NTRK2: variants seen among roughly 807,000 people sequenced by gnomAD.
NTRK2 encodes the protein BDNF/NT-3 growth factors receptor.
In NTRK2, 13 loss-of-function variants were observed where a neutral mutation model predicts 94.5. The ratio of observed to expected loss-of-function variants is 0.14; its 90% CI spans 0.09 to 0.22. The LOEUF (loss-of-function observed/expected upper bound fraction) is 0.22. Among genes scored for constraint, NTRK2 ranks in the 10% least tolerant of loss-of-function variants. The probability of loss-of-function intolerance (pLI) is 1.00; values close to 1 mark genes in which losing one functional copy is unlikely to be tolerated. For missense variants in NTRK2, 639 were observed against 1,071.2 expected, an observed-to-expected ratio of 0.60 and a Z score of 5.63; for synonymous variants, 372 against 407.4, an observed-to-expected ratio of 0.91 and a Z score of 1.05.
intron 12 of NTRK2, among the ~76,000 whole-genome samples, chr9:84,782,993 A>T (rs1289179412): frequency 6.6e-6 from 1 of 152,188 alleles, no homozygotes; most frequent in Admixed American, 6.5e-5. Flanking sequence ...CACATATGAG[A>T]GATCAAGAGA....
At chr9:84,693,567 A>C (rs373914346) in intron 2 of NTRK2, among the ~76,000 whole-genome samples, 22 of 152,312 alleles carry the variant, frequency 1.4e-4, no homozygotes, top group Admixed American at 2.6e-4. Context: ...CTTGCACTAG[A>C]GGCTGGGTGA....
chr9:84,710,197 G>A (rs1180940995), intron 5 of NTRK2, among the ~76,000 whole-genome samples: 1 of 152,206 alleles, frequency 6.6e-6, no homozygotes, highest in Non-Finnish European at 1.5e-5. Context: ...GCCCCCTGCT[G>A]AAGTTTGAGC....
intron 16 of NTRK2, among the ~76,000 whole-genome samples, chr9:84,950,591 GTTT>G (rs5898875): frequency 1.3e-5 from 2 of 150,830 alleles, no homozygotes; most frequent in African/African-American, 4.9e-5. Flanking sequence ...GGTCTAATAT[GTTT>G]TTTTTTTTTT....
chr9:84,825,804 G>A lies in NTRK2; in HGVS notation c.1397-35236G>A, dbSNP rs112909834. Among the ~76,000 whole-genome samples the A allele has an allele frequency of 1.8e-3, 267 of 152,332 alleles. 2 individuals are homozygous for A. Among genetic ancestry groups the A allele is most frequent in the African/African-American group, 6.2e-3 (256 of 41,576 alleles). On this transcript the variant is annotated intron_variant, in intron 12 of 18. Transcript: ENST00000277120. ...AGAGGAGCTTGGGTCTGCTGTTGCT[G>A]CATTAAACTGGATTGCTCCAAAGCA...
At chr9:84,701,414 C>G (rs2060710496) in intron 2 of NTRK2, among the ~76,000 whole-genome samples, 2 of 152,142 alleles carry the variant, frequency 1.3e-5, no homozygotes, top group South Asian at 4.2e-4. Flanking sequence ...TTTATTTAAT[C>G]TCGGGGAAGA....
At chr9:84,674,255 A>G (rs532118168) in intron 2 of NTRK2, among the ~76,000 whole-genome samples, 2 of 151,820 alleles carry the variant, frequency 1.3e-5, no homozygotes, top group East Asian at 3.9e-4. Context: ...TTTTTTTTGA[A>G]TTTCTCCAGT....
intron 14 of NTRK2, chr9:84,875,716 A>G: frequency 9.5e-7 from 1 of 1,053,452 alleles, no homozygotes; most frequent in East Asian, 5.3e-5. Flanking sequence ...CTTTGCTTAA[A>G]CTTGATGGAG....
Position 84,739,268 on chromosome 9 carries a change from C to G in NTRK2, c.1160-2624C>G, listed in dbSNP as rs545938084. Among the ~76,000 whole-genome samples the G allele has an allele frequency of 2.6e-5, 4 of 152,304 alleles. No individual in the cohort carries two copies. In the East Asian group the frequency reaches 5.8e-4, roughly 22 times the overall value. On this transcript the variant is annotated intron_variant, in intron 9 of 18. Transcript: ENST00000277120. ...GTTTCCCCATGTTGCCCAGGCTGGT[C>G]TTGAACTCCTGAGCTAAGATGATCT... is the stretch of plus-strand genomic sequence containing the variant.
intron 17 of NTRK2, among the ~76,000 whole-genome samples, chr9:85,009,994 C>T (rs1831385705): frequency 6.6e-6 from 1 of 152,112 alleles, no homozygotes; most frequent in African/African-American, 2.4e-5. Context: ...AATGTAGATT[C>T]CAGAAGTCTT....
intron 14 of NTRK2, among the ~76,000 whole-genome samples, chr9:84,932,271 G>A (rs2078063540): frequency 6.6e-6 from 1 of 152,116 alleles, no homozygotes; most frequent in South Asian, 2.1e-4. Context: ...ACACAATACA[G>A]CCCAATCTCA....
chr9:84,768,158 C>A (rs2066208052), intron 12 of NTRK2, among the ~76,000 whole-genome samples: 2 of 152,178 alleles, frequency 1.3e-5, no homozygotes, highest in Non-Finnish European at 2.9e-5. Context: ...TTACCAATTT[C>A]AACAATTTTC....
At chr9:84,877,613 G>A in intron 14 of NTRK2, 1 of 1,065,796 alleles carries the variant, frequency 9.4e-7, no homozygotes, top group Non-Finnish European at 1.1e-6. Context: ...ATGTTGGGCT[G>A]CGGTAGGATA....
chr9:84,702,486 T>C, intron 4 of NTRK2, 67 bp downstream of exon 4: 1 of 1,335,076 alleles, frequency 7.5e-7, no homozygotes, highest in South Asian at 1.2e-5. Flanking sequence ...CCTCTGTTTA[T>C]TTTCCTTCTT....
At chr9:84,930,896 C>A (rs1237414164) in intron 14 of NTRK2, among the ~76,000 whole-genome samples, 2 of 152,154 alleles carry the variant, frequency 1.3e-5, no homozygotes, top group Non-Finnish European at 2.9e-5. Context: ...CTGCTGCCAT[C>A]CCAGAGAATA....
At chr9:84,926,126 C>T (rs1279037432) in intron 14 of NTRK2, among the ~76,000 whole-genome samples, 1 of 42,940 alleles carries the variant, frequency 2.3e-5, no homozygotes, top group Non-Finnish European at 5.8e-5. Context: ...TCCTTCCTTC[C>T]TTCCTTCCTT....
intron 12 of NTRK2, among the ~76,000 whole-genome samples, chr9:84,793,761 C>A (rs2068973172): frequency 6.6e-6 from 1 of 152,050 alleles, no homozygotes; most frequent in Non-Finnish European, 1.5e-5. Flanking sequence ...TTGTTGCTCG[C>A]AGAAATGACT....
At position 84,798,912 on chromosome 9, in the gene NTRK2, C is replaced by CTATATATATATATATATATATA. The variant is rs57167822; in HGVS notation, c.1396+46835_1396+46856dup. ...GCTATATGCCAGACACTTCTAAGTGCTATATATATATATATATATATATAT... is the reference window on the plus strand; with the variant it reads ...GCTATATGCCAGACACTTCTAAGTGCTATATATATATATATATATATATATATATATATATATATATATATAT... On this transcript the variant is annotated intron_variant, in intron 12 of 18. Coordinates refer to ENST00000277120, the MANE Select transcript of NTRK2 (RefSeq NM_006180.6). Among the ~76,000 whole-genome samples, 213 of 127,908 alleles carry CTATATATATATATATATATATA rather than the reference C, an allele frequency of 1.7e-3. 3 individuals carry two copies. The highest frequency in any genetic ancestry group is 4.2e-3 in the Middle Eastern group (1 of 240). The allele number at this position is 127,908 out of a possible 152,430, so 83.9% of individuals were successfully genotyped here.
intron 17 of NTRK2, among the ~76,000 whole-genome samples, chr9:84,965,795 G>A (rs1302714705): frequency 2.6e-5 from 4 of 152,138 alleles, no homozygotes; most frequent in African/African-American, 9.7e-5. Context: ...TCTTCAGGAT[G>A]AAAATTACTC....
intron 17 of NTRK2, among the ~76,000 whole-genome samples, chr9:84,980,725 G>T (rs1338282738): frequency 6.6e-6 from 1 of 152,240 alleles, no homozygotes; most frequent in Non-Finnish European, 1.5e-5. Context: ...CATACAAAGG[G>T]CAGAGGATGA....
Sources: gnomAD v4.1 joint callset for allele counts (sites outside exome capture counted in the v4.1 genomes callset) on GRCh38, gnomAD v4.1.1 for gene constraint, MANE v1.5 for transcripts, NCBI Gene and HGNC (gene_info 2026-07-23, HGNC 2026-07-21) for gene names.